The following TMEM132D variants were observed in gnomAD, a reference collection of about 807,000 sequenced individuals.
The protein encoded by TMEM132D is transmembrane protein 132D.
TMEM132D carries 21 observed loss-of-function variants against 62.3 expected under a neutral mutation model. The ratio of observed to expected loss-of-function variants is 0.34; its 90% CI spans 0.24 to 0.49. The LOEUF (loss-of-function observed/expected upper bound fraction) is 0.49, where lower values mean the gene tolerates loss of function less well. Among genes scored for constraint, TMEM132D ranks in the 20% least tolerant of loss-of-function variants. The probability of loss-of-function intolerance (pLI) is 0.99; values close to 1 mark genes in which losing one functional copy is unlikely to be tolerated. For missense variants in TMEM132D, 1,346 were observed against 1,402.8 expected (o/e 0.96, Z 0.65); for synonymous variants, 621 against 575.6 (o/e 1.08, Z -1.13).
At chr12:129,679,051 C>T (rs1157702387) in intron 2 of TMEM132D, among the ~76,000 whole-genome samples, 1 of 151,530 alleles carries the variant, frequency 6.6e-6, no homozygotes, top group Non-Finnish European at 1.5e-5. Context: ...ATATTTTTCT[C>T]TTTAGTGTCG....
intron 3 of TMEM132D, among the ~76,000 whole-genome samples, chr12:129,527,613 A>G (rs1405167593): frequency 6.6e-6 from 1 of 152,170 alleles, no homozygotes; most frequent in African/African-American, 2.4e-5. Flanking sequence ...TTTACATATC[A>G]ACCGTGGTGA....
chr12:129,547,032 G>A (rs1876756304), intron 2 of TMEM132D, among the ~76,000 whole-genome samples: 1 of 152,142 alleles, frequency 6.6e-6, no homozygotes, highest in South Asian at 2.1e-4. Flanking sequence ...TTTTCTCACA[G>A]TTCAGGAGGC....
chr12:129,260,292 T>C (rs969959419), intron 4 of TMEM132D, among the ~76,000 whole-genome samples: 1 of 151,878 alleles, frequency 6.6e-6, no homozygotes, highest in Non-Finnish European at 1.5e-5. Context: ...CCCTGAGAGG[T>C]GGGCTGAAAT....
intron 4 of TMEM132D, among the ~76,000 whole-genome samples, chr12:129,251,813 C>T (rs1001470799): frequency 1.3e-5 from 2 of 152,140 alleles, no homozygotes; most frequent in African/African-American, 4.8e-5. Context: ...AGTGAGTCTA[C>T]TCCATGTTCT....
chr12:129,102,517 C>T (rs533681938), intron 5 of TMEM132D, among the ~76,000 whole-genome samples: 21 of 150,654 alleles, frequency 1.4e-4, no homozygotes, highest in East Asian at 3.9e-4. Context: ...CACGCACACA[C>T]GCACACACAC....
rs557852470 is a variant in TMEM132D at position 129,202,023 on chromosome 12, T to C, written c.1443+7497A>G. On this transcript the variant is annotated intron_variant, in intron 5 of 8. Coordinates refer to ENST00000422113, the MANE Select transcript of TMEM132D (RefSeq NM_133448.3). Reference sequence around the variant, plus strand: ...CCTGTTGCCTTCTTGAAAAAAAAAATAAAACAAAACGAGCATCCTTGGGAG... The same window carrying C: ...CCTGTTGCCTTCTTGAAAAAAAAAACAAAACAAAACGAGCATCCTTGGGAG... Among the ~76,000 whole-genome samples the C allele has an allele frequency of 4.9e-4, 71 of 143,774 alleles. 1 individual carries two copies. The highest frequency in any genetic ancestry group is 4.1e-3 in the South Asian group (18 of 4,424). The allele number at this position is 143,774 out of a possible 152,430, so 94.3% of individuals were successfully genotyped here.
intron 5 of TMEM132D, among the ~76,000 whole-genome samples, chr12:129,204,464 C>G (rs1230279078): frequency 6.6e-6 from 1 of 151,924 alleles, no homozygotes; most frequent in East Asian, 1.9e-4. Flanking sequence ...TTCAGTCAAA[C>G]AAAAATAAAG....
chr12:129,864,468 C>T (rs1485968785), intron 1 of TMEM132D, among the ~76,000 whole-genome samples: 4 of 152,200 alleles, frequency 2.6e-5, no homozygotes, highest in African/African-American at 9.7e-5. Flanking sequence ...CACAGGCAGA[C>T]CCATAAGACT....
At chr12:129,808,123 G>A (rs950709191) in intron 1 of TMEM132D, among the ~76,000 whole-genome samples, 5 of 152,170 alleles carry the variant, frequency 3.3e-5, no homozygotes, top group East Asian at 1.9e-4. Flanking sequence ...GTTGCACACC[G>A]AACATTATTG....
rs111233930 is a variant in TMEM132D at position 129,753,684 on chromosome 12, G to A, written c.80-52986C>T. Among the ~76,000 whole-genome samples, 1,136 of 152,176 alleles carry A rather than the reference G, an allele frequency of 7.5e-3. 16 individuals carry two copies. Among genetic ancestry groups the A allele is most frequent in the African/African-American group, 0.025 (1,058 of 41,518 alleles). ...ACTGGAAATGAAACACTTAAAATCCGTCAATCTCAACAAAAGGAAATTAAA... is the reference window on the plus strand; with the variant it reads ...ACTGGAAATGAAACACTTAAAATCCATCAATCTCAACAAAAGGAAATTAAA... On this transcript the variant is annotated intron_variant, in intron 1 of 8. Transcript: ENST00000422113.
At chr12:129,794,433 T>A (rs1593164265) in intron 1 of TMEM132D, among the ~76,000 whole-genome samples, 1 of 152,190 alleles carries the variant, frequency 6.6e-6, no homozygotes, top group East Asian at 1.9e-4. Context: ...ACAGTGCAGG[T>A]ATACAACGCT....
intron 2 of TMEM132D, among the ~76,000 whole-genome samples, chr12:129,532,147 G>C (rs1366042867): frequency 6.6e-6 from 1 of 152,188 alleles, no homozygotes; most frequent in East Asian, 1.9e-4. Flanking sequence ...GTTTGAAAAA[G>C]CTAATGTTTC....
rs2135616710 is a variant in TMEM132D at position 129,081,988 on chromosome 12, C to A, written c.1694G>T (p.Gly565Val). ...CTGGTACTGCAGGGTGCAGCCGCGGCCCCTCCGCTCATCATCCTCCTCCTC... is the reference window on the plus strand; with the variant it reads ...CTGGTACTGCAGGGTGCAGCCGCGGACCCTCCGCTCATCATCCTCCTCCTC... The part of the protein sequence containing the change: ...SEEEEDDERR[G>V]RGCTLQYQHA... Residue 565 changes from glycine to valine, a missense_variant, in exon 7 of 9, where the codon GGC (glycine) becomes GTC (valine). Coordinates refer to ENST00000422113, the MANE Select transcript of TMEM132D (RefSeq NM_133448.3). The A allele has an allele frequency of 3.1e-6, 5 of 1,612,556 alleles. No individual in the cohort carries two copies. Among genetic ancestry groups the A allele is most frequent in the South Asian group, 1.1e-5 (1 of 90,982 alleles).
At chr12:129,602,400 A>T (rs953841242) in intron 2 of TMEM132D, among the ~76,000 whole-genome samples, 1 of 152,154 alleles carries the variant, frequency 6.6e-6, no homozygotes, top group Non-Finnish European at 1.5e-5. Flanking sequence ...GTTGCCTGGA[A>T]TTTCACTGGT....
At chr12:129,841,961 C>T (rs1364671945) in intron 1 of TMEM132D, among the ~76,000 whole-genome samples, 2 of 147,284 alleles carry the variant, frequency 1.4e-5, no homozygotes, top group Admixed American at 6.8e-5. Context: ...GACGGAGTCT[C>T]GGTCTGTCCC....
chr12:129,545,959 A>C (rs1876720762), intron 2 of TMEM132D, among the ~76,000 whole-genome samples: 1 of 152,210 alleles, frequency 6.6e-6, no homozygotes, highest in East Asian at 1.9e-4. Flanking sequence ...TAGCAGAAGG[A>C]GGGACATGTC....
intron 8 of TMEM132D, among the ~76,000 whole-genome samples, chr12:129,076,266 A>G (rs375206723): frequency 5.3e-5 from 8 of 152,220 alleles, no homozygotes; most frequent in African/African-American, 1.9e-4. Context: ...ATTAGACCAA[A>G]ATAAAAACAC....
intron 4 of TMEM132D, among the ~76,000 whole-genome samples, chr12:129,247,331 C>G (rs1455675057): frequency 6.6e-6 from 1 of 152,126 alleles, no homozygotes; most frequent in African/African-American, 2.4e-5. Flanking sequence ...GATCTGGTTC[C>G]AAAATGGTGC....
Position 129,715,794 on chromosome 12 carries a change from A to G in TMEM132D, c.80-15096T>C, listed in dbSNP as rs999707282. Among the ~76,000 whole-genome samples the G allele has an allele frequency of 2.0e-5, 3 of 152,282 alleles. No individual in the cohort carries two copies. In the East Asian group the frequency reaches 5.8e-4, roughly 29 times the overall value. ...CTTTTTGTGAATATCATCTTTTAGC[A>G]AAGAGGAAGAGGAGACGCTGGTGGC... is the stretch of plus-strand genomic sequence containing the variant. On this transcript the variant is annotated intron_variant, in intron 1 of 8. Transcript: ENST00000422113.
Sources: allele counts gnomAD v4.1 joint callset (sites outside exome capture counted in the v4.1 genomes callset), GRCh38; gene constraint gnomAD v4.1.1; transcripts MANE v1.5; gene names NCBI Gene and HGNC (gene_info 2026-07-23, HGNC 2026-07-21).